The following PAAF1 variants were observed in gnomAD, a reference collection of about 807,000 sequenced individuals.
PAAF1 encodes proteasomal ATPase associated factor 1, also known as proteasomal ATPase-associated factor 1.
In PAAF1, 46 loss-of-function variants were observed where a neutral mutation model predicts 52.8. The observed-to-expected ratio is 0.87, with a 90% confidence interval of 0.69 to 1.11. The LOEUF (loss-of-function observed/expected upper bound fraction) is 1.11, where lower values mean the gene tolerates loss of function less well. Ranked by LOEUF, PAAF1 falls within the 50% of genes most tolerant of loss-of-function variation. PAAF1 has a pLI of 0.00. For synonymous variants in PAAF1, 178 were observed against 172.8 expected (o/e 1.03, Z -0.24); for missense variants, 424 against 477.4 (o/e 0.89, Z 1.04).
rs371004920 is a variant in PAAF1 at position 73,908,887 on chromosome 11, C to T, written c.533-512C>T. 5.9e-5 allele frequency among the ~76,000 whole-genome samples: 9 copies of T among 152,150 alleles called. No homozygotes were observed. In the South Asian group the frequency reaches 6.2e-4, roughly 11 times the overall value. ...CACTGCAACCTACGCCTCCCAGGTT[C>T]GAGCGATTCTCCTGCCTCAGCCTCC... On this transcript the variant is annotated intron_variant, in intron 6 of 11. Transcript: ENST00000310571.
intron 4 of PAAF1, among the ~76,000 whole-genome samples, chr11:73,893,858 A>G (rs1949272646): frequency 6.6e-6 from 1 of 152,174 alleles, no homozygotes; most frequent in Non-Finnish European, 1.5e-5. Context: ...CAAGAGTTCA[A>G]GACCAGCCTG....
At chr11:73,926,893 A>C (rs1950376808) in intron 11 of PAAF1, among the ~76,000 whole-genome samples, 1 of 151,906 alleles carries the variant, frequency 6.6e-6, no homozygotes, top group Non-Finnish European at 1.5e-5. Context: ...AGTTGATGAA[A>C]TCCTCCTCAG....
At chr11:73,900,705 G>T (rs1024527894) in intron 6 of PAAF1, among the ~76,000 whole-genome samples, 4 of 151,088 alleles carry the variant, frequency 2.6e-5, no homozygotes, top group African/African-American at 9.7e-5. Context: ...TTTTCTGGCC[G>T]GGCGCGGTGG....
intron 7 of PAAF1, among the ~76,000 whole-genome samples, chr11:73,913,865 A>G (rs187070433): frequency 1.3e-5 from 2 of 152,266 alleles, no homozygotes; most frequent in East Asian, 3.9e-4. Context: ...GTGTCTTATC[A>G]TGGTACAAAC....
chr11:73,877,780 G>A (rs779589918), intron 1 of PAAF1, among the ~76,000 whole-genome samples: 2 of 152,156 alleles, frequency 1.3e-5, no homozygotes, highest in African/African-American at 2.4e-5. Context: ...CAGCTACTCG[G>A]GAGGCTGAGG....
At chr11:73,889,409 A>G (rs532667103) in intron 3 of PAAF1, among the ~76,000 whole-genome samples, 1 of 152,358 alleles carries the variant, frequency 6.6e-6, no homozygotes, top group Non-Finnish European at 1.5e-5. Flanking sequence ...ATCTTAGTGC[A>G]GCATACTCAC....
intron 1 of PAAF1, 58 bp downstream of exon 1, chr11:73,877,126 C>T (rs1166222220): frequency 6.2e-6 from 9 of 1,458,382 alleles, no homozygotes; most frequent in Middle Eastern, 1.8e-4. Context: ...TGCTTTGCGT[C>T]AAGGAGAGCC....
intron 7 of PAAF1, among the ~76,000 whole-genome samples, chr11:73,910,383 T>C (rs1949894932): frequency 6.6e-6 from 1 of 152,092 alleles, no homozygotes; most frequent in Non-Finnish European, 1.5e-5. Flanking sequence ...CAATGGGAGC[T>C]AGGGCAAGGG....
At chr11:73,911,794 T>G (rs1949938229) in intron 7 of PAAF1, among the ~76,000 whole-genome samples, 1 of 151,832 alleles carries the variant, frequency 6.6e-6, no homozygotes, top group Non-Finnish European at 1.5e-5. Flanking sequence ...CCACCATGCC[T>G]GGCTAATTTT....
intron 3 of PAAF1, 138 bp from the exon 4 acceptor site, chr11:73,890,974 G>C: frequency 1.7e-6 from 1 of 592,990 alleles, no homozygotes; most frequent in Non-Finnish European, 3.0e-6. Context: ...AGTTTTGTGG[G>C]GTGGGAAAGG....
chr11:73,900,521 A>C, intron 6 of PAAF1, 101 bp downstream of exon 6: 1 of 1,352,654 alleles, frequency 7.4e-7, no homozygotes, highest in Non-Finnish European at 1.0e-6. Flanking sequence ...TACACAAATA[A>C]TCCATCCAGC....
Position 73,899,033 on chromosome 11 carries a change from C to T in PAAF1, c.283-113C>T, listed in dbSNP as rs117503796. 4.9e-4 allele frequency: 375 copies of T among 758,632 alleles called. 7 individuals carry two copies. The East Asian group carries it at 7.9e-3, about 16-fold the overall frequency. 47.0% of individuals were successfully genotyped at this position (758,632 alleles called of 1,614,324 possible). A position where few individuals can be genotyped will look rare whatever the true frequency, so the allele number is the denominator to read the frequency against. Reference sequence around the variant, plus strand: ...AAACACAAGTCCTTTTGTTGGGAAACACAGGCTTCAGGAAGTCTTGGAAGA... The same window carrying T: ...AAACACAAGTCCTTTTGTTGGGAAATACAGGCTTCAGGAAGTCTTGGAAGA... On this transcript the variant is annotated intron_variant, in intron 4 of 11. Transcript: ENST00000310571.
At chr11:73,885,546 A>G (rs1949037680) in intron 2 of PAAF1, among the ~76,000 whole-genome samples, 1 of 151,712 alleles carries the variant, frequency 6.6e-6, no homozygotes, top group Non-Finnish European at 1.5e-5. Context: ...TATACTCTCT[A>G]GAAAGCCCTC....
chr11:73,913,707 A>C (rs1157397160), intron 7 of PAAF1, among the ~76,000 whole-genome samples: 1 of 151,930 alleles, frequency 6.6e-6, no homozygotes, highest in East Asian at 1.9e-4. Flanking sequence ...AAAGAAAAAA[A>C]AAAAGAAAAA....
At chr11:73,921,631 G>A in intron 10 of PAAF1, 1 of 680,360 alleles carries the variant, frequency 1.5e-6, no homozygotes, top group South Asian at 1.4e-5. Context: ...CAGGGCTCTG[G>A]AGATGGTGGC....
At chr11:73,915,002 G>A (rs1356579077) in intron 8 of PAAF1, among the ~76,000 whole-genome samples, 1 of 152,056 alleles carries the variant, frequency 6.6e-6, no homozygotes, top group Non-Finnish European at 1.5e-5. Flanking sequence ...ACTGAGCCCA[G>A]CCCTGAATCC....
intron 10 of PAAF1, among the ~76,000 whole-genome samples, chr11:73,920,077 C>G (rs951378726): frequency 6.6e-6 from 1 of 151,480 alleles, no homozygotes; most frequent in African/African-American, 2.4e-5. Context: ...AGTAGTGTAC[C>G]AATATTGGCA....
chr11:73,922,315 A>G (rs1950242251), intron 10 of PAAF1: 2 of 420,430 alleles, frequency 4.8e-6, no homozygotes, highest in African/African-American at 2.1e-5. Context: ...GAGTAAGATT[A>G]TAACTCTGTT....
chr11:73,918,300 C>T (rs1591124341), intron 9 of PAAF1, among the ~76,000 whole-genome samples: 3 of 149,340 alleles, frequency 2.0e-5, no homozygotes, highest in South Asian at 2.1e-4. Context: ...GGAATAAATT[C>T]CAGTAGATGG....
Sources: allele counts gnomAD v4.1 joint callset (sites outside exome capture counted in the v4.1 genomes callset), GRCh38; gene constraint gnomAD v4.1.1; transcripts MANE v1.5; gene names NCBI Gene and HGNC (gene_info 2026-07-23, HGNC 2026-07-21).